The following TENM2 variants were observed in gnomAD, a reference collection of about 807,000 sequenced individuals.
TENM2 encodes teneurin transmembrane protein 2, also known as teneurin-2.
A neutral mutation model predicts 245.2 loss-of-function variants in TENM2; 52 were observed. The observed-to-expected ratio is 0.21, with a 90% CI of 0.17 to 0.27. TENM2 has a LOEUF of 0.27. Ranked by LOEUF, TENM2 falls within the 10% of genes least tolerant of loss-of-function variation. The probability of loss-of-function intolerance (pLI) is 1.00; values close to 1 mark genes in which losing one functional copy is unlikely to be tolerated. For synonymous variants in TENM2, 1,363 were observed against 1,438.9 expected (o/e 0.95, Z 1.19); for missense variants, 3,046 against 3,666.8 (o/e 0.83, Z 4.37).
At chr5:167,290,336 G>T (rs1426000763) in intron 1 of TENM2, among the ~76,000 whole-genome samples, 1 of 152,096 alleles carries the variant, frequency 6.6e-6, no homozygotes, top group Non-Finnish European at 1.5e-5. Flanking sequence ...ATTTGTAAAA[G>T]CTCTACCATA....
intron 2 of TENM2, among the ~76,000 whole-genome samples, chr5:167,590,958 T>G (rs958929686): frequency 1.3e-5 from 2 of 152,236 alleles, no homozygotes; most frequent in African/African-American, 4.8e-5. Context: ...GTTCATGATA[T>G]TCATCTATCA....
At chr5:167,186,372 T>C in the TENM2 span, among the ~76,000 whole-genome samples, 1 of 151,890 alleles carries the variant, frequency 6.6e-6, no homozygotes, top group East Asian at 1.9e-4. Context: ...AGTTTGGGGG[T>C]GAAAAACTGG....
the TENM2 span, among the ~76,000 whole-genome samples, chr5:167,231,704 G>T: frequency 6.6e-6 from 1 of 152,210 alleles, no homozygotes; most frequent in Non-Finnish European, 1.5e-5. Context: ...GCCTGACAAT[G>T]CAGTAGAAAA....
chr5:167,015,679 A>G, the TENM2 span, among the ~76,000 whole-genome samples: 2 of 152,270 alleles, frequency 1.3e-5, no homozygotes, highest in African/African-American at 4.8e-5. Flanking sequence ...TTTCACAATG[A>G]CTGTGTTTCA....
chr5:167,548,925 G>T (rs534792611), intron 2 of TENM2, among the ~76,000 whole-genome samples: 1 of 152,260 alleles, frequency 6.6e-6, no homozygotes, highest in African/African-American at 2.4e-5. Context: ...AATAAGTAGT[G>T]CTAATTAATA....
chr5:168,075,260 G>A (rs776122780), intron 7 of TENM2, among the ~76,000 whole-genome samples: 9 of 152,092 alleles, frequency 5.9e-5, no homozygotes, highest in African/African-American at 1.9e-4. Context: ...TGTGAATGTC[G>A]TTATTTCATT....
At chr5:167,768,930 A>T (rs1044021341) in intron 2 of TENM2, among the ~76,000 whole-genome samples, 1 of 152,208 alleles carries the variant, frequency 6.6e-6, no homozygotes, top group Non-Finnish European at 1.5e-5. Context: ...GGTGCGGCTC[A>T]TGGTCACTTT....
rs368453937 is a variant in TENM2, at chr5:167,993,110, A to G, written c.1114A>G (p.Ser372Gly). ...GCTGAAGAAGCCCTCCAAATACTGC[A>G]GCTGGAAATGTGCTGCCCTCTCCGC... The change falls in exon 5 of 29, where the codon AGC (serine) becomes GGC (glycine). Residue 372 changes from serine (S) to glycine (G), a missense_variant. Around this residue, in one of 2 missense-constraint regions of TENM2, gnomAD observed 2,704 missense variants for 3,331.9 expected, o/e 0.81. Coordinates refer to ENST00000518659, the Ensembl canonical transcript of TENM2. The G allele has an allele frequency of 1.8e-5, 29 of 1,613,926 alleles. No individual in the cohort carries two copies. Among genetic ancestry groups the G allele is most frequent in the Non-Finnish European group, 2.4e-5 (28 of 1,179,916 alleles).
intron 2 of TENM2, among the ~76,000 whole-genome samples, chr5:167,835,539 G>A (rs907639394): frequency 2.6e-5 from 4 of 151,916 alleles, no homozygotes; most frequent in Non-Finnish European, 5.9e-5. Flanking sequence ...GTCCTTTTTA[G>A]TTCTTCCTGG....
intron 2 of TENM2, among the ~76,000 whole-genome samples, chr5:167,470,391 A>G (rs1303051817): frequency 6.7e-6 from 1 of 148,246 alleles, no homozygotes; most frequent in African/African-American, 2.5e-5. Context: ...ATGTCAGTAG[A>G]ACCTTTGAAA....
At chr5:167,778,943 C>G (rs1763994701) in intron 2 of TENM2, among the ~76,000 whole-genome samples, 1 of 152,194 alleles carries the variant, frequency 6.6e-6, no homozygotes, top group Non-Finnish European at 1.5e-5. Context: ...CTGACTTGCT[C>G]TCTACTTAGC....
intron 2 of TENM2, among the ~76,000 whole-genome samples, chr5:167,801,362 G>A (rs1278546854): frequency 6.6e-6 from 1 of 151,778 alleles, no homozygotes; most frequent in Non-Finnish European, 1.5e-5. Context: ...CTGGCAGAGT[G>A]TTAGGCCTTG....
At chr5:168,038,073 G>C (rs572342302) in intron 5 of TENM2, among the ~76,000 whole-genome samples, 1 of 152,288 alleles carries the variant, frequency 6.6e-6, no homozygotes, top group Middle Eastern at 3.4e-3. Flanking sequence ...ATACTCAAGA[G>C]CTTCAGGTGT....
At chr5:167,900,153 A>T (rs199806162) in intron 3 of TENM2, among the ~76,000 whole-genome samples, 4,890 of 80,046 alleles carry the variant, frequency 0.061, 235 homozygotes, top group East Asian at 0.18. Context: ...GGTTTTGGAA[A>T]GGAAAGGAAT....
At chr5:167,926,896 A>ATCTC (rs1213832334) in intron 3 of TENM2, among the ~76,000 whole-genome samples, 1 of 152,216 alleles carries the variant, frequency 6.6e-6, no homozygotes, top group Non-Finnish European at 1.5e-5. Flanking sequence ...AGTACTTGGC[A>ATCTC]TCTCTCTGTC....
intron 10 of TENM2, among the ~76,000 whole-genome samples, chr5:168,123,644 C>G (rs78084178): frequency 5.3e-5 from 8 of 152,160 alleles, no homozygotes; most frequent in South Asian, 2.1e-4. Flanking sequence ...ATAGAAGAAG[C>G]AATCCTTTAA....
chr5:167,524,517 T>C (rs896985939), intron 2 of TENM2, among the ~76,000 whole-genome samples: 1 of 152,114 alleles, frequency 6.6e-6, no homozygotes, highest in African/African-American at 2.4e-5. Flanking sequence ...AAATGTAATG[T>C]GTGTACCATT....
At chr5:167,064,285 C>T in the TENM2 span, among the ~76,000 whole-genome samples, 1 of 152,192 alleles carries the variant, frequency 6.6e-6, no homozygotes, top group African/African-American at 2.4e-5. Flanking sequence ...TTTCAACAAA[C>T]TTCCACGGCC....
chr5:168,199,141 C>T, intron 16 of TENM2, 27 bp downstream of exon 18: 1 of 1,596,208 alleles, frequency 6.3e-7, no homozygotes, highest in South Asian at 1.1e-5. Context: ...CAGGGCGGGA[C>T]TCTCAGGACT....
Sources: gnomAD v4.1 joint callset for allele counts (sites outside exome capture counted in the v4.1 genomes callset) on GRCh38, gnomAD v4.1.1 for gene constraint, gnomAD v4.1.1 regional missense constraint, MANE v1.5 for transcripts, NCBI Gene and HGNC (gene_info 2026-07-23, HGNC 2026-07-21) for gene names.